Variants in FAM171A1 observed in about 807,000 individuals in gnomAD.
The protein encoded by FAM171A1 is family with sequence similarity 171 member A1.
FAM171A1 carries 23 observed loss-of-function variants against 74.9 expected under a neutral mutation model. The ratio of observed to expected loss-of-function variants is 0.31; its 90% CI spans 0.22 to 0.44. FAM171A1 has a LOEUF of 0.44. FAM171A1 is among the 20% of genes least tolerant of loss of function. The probability of loss-of-function intolerance (pLI) is 1.00; values close to 1 mark genes in which losing one functional copy is unlikely to be tolerated. For synonymous variants in FAM171A1, 527 were observed against 505.7 expected (o/e 1.04, Z -0.57); for missense variants, 1,162 against 1,159.2 (o/e 1.00, Z -0.03).
rs781417798 is a variant in FAM171A1, at chr10:15,283,955, C to T, written c.248G>A (p.Gly83Asp). ...CGAGGCGGTGACAATCAACTGACTG[C>T]CCAGCTTATACTGGAACTTGATAAA... ...VAFIKFQYKLGSQLIVTASKH... is the reference protein window; with the variant it reads ...VAFIKFQYKLDSQLIVTASKH... Residue 83 changes from glycine (G) to aspartate (D), a missense_variant, in exon 2 of 8, where the codon GGC (glycine) becomes GAC (aspartate). By Grantham distance (94) the Gly-to-Asp change is moderately conservative. Coordinates refer to ENST00000378116, the MANE Select transcript of FAM171A1 (RefSeq NM_001010924.2). 6 of 1,614,040 alleles carry T rather than the reference C, an allele frequency of 3.7e-6. No homozygotes were observed. Among genetic ancestry groups the T allele is most frequent in the East Asian group, 2.2e-5 (1 of 44,888 alleles).
At chr10:15,297,123 C>T (rs1835171712) in intron 1 of FAM171A1, among the ~76,000 whole-genome samples, 1 of 151,356 alleles carries the variant, frequency 6.6e-6, no homozygotes, top group African/African-American at 2.4e-5. Flanking sequence ...AGAGACACGA[C>T]CTTGGCTCAC....
At chr10:15,255,998 G>A (rs878916635) in intron 3 of FAM171A1, among the ~76,000 whole-genome samples, 2 of 151,708 alleles carry the variant, frequency 1.3e-5, no homozygotes, top group East Asian at 1.9e-4. Flanking sequence ...CTAATGCTGC[G>A]GTGATATTCA....
Position 15,213,345 on chromosome 10 carries a change from T to C in FAM171A1, c.2243A>G (p.Glu748Gly). ...ASLDSGVDMN[E>G]PKSARKGRGD... ...CCTTCCCTTCCGGGCTGATTTTGGT[T>C]CATTCATATCTACGCCAGAGTCCAA... Residue 748 changes from glutamate (E) to glycine (G), a missense_variant, in exon 8 of 8, where the codon GAA becomes GGA. Physicochemically the swap from Glu to Gly is moderately conservative, Grantham distance 98. Coordinates refer to ENST00000378116, the MANE Select transcript of FAM171A1 (RefSeq NM_001010924.2). The surrounding 1 kb of genome is among the most constrained non-coding windows in gnomAD (Gnocchi z 6.8). 1 of 1,614,184 alleles carries C rather than the reference T, an allele frequency of 6.2e-7. No individual in the cohort carries two copies. Among genetic ancestry groups the C allele is most frequent in the Admixed American group, 1.7e-5 (1 of 60,014 alleles).
At chr10:15,220,500 A>G (rs1362381121) in intron 6 of FAM171A1, among the ~76,000 whole-genome samples, 2 of 152,240 alleles carry the variant, frequency 1.3e-5, no homozygotes, top group East Asian at 3.9e-4. Context: ...GATACAAAGC[A>G]ACTGGTTTAC....
chr10:15,212,638 T>A lies in FAM171A1; in HGVS notation c.*277A>T, dbSNP rs1195126007. 2.1e-6 allele frequency: 1 copy of A among 485,112 alleles called. No individual in the cohort carries two copies. Among genetic ancestry groups the A allele is most frequent in the South Asian group, 2.5e-5 (1 of 40,530 alleles). The allele number at this position is 485,112 out of a possible 1,614,324, so 30.1% of individuals were successfully genotyped here. The stretch of plus-strand genomic sequence containing the variant: ...CGACATCACGTGCGGTTTCTTAATG[T>A]CCCTGGTGGCGGATACGCCGAGTCC... On this transcript the variant is annotated 3_prime_UTR_variant, in exon 8 of 8. Transcript: ENST00000378116.
At chr10:15,326,166 ACTTATGTT>A (rs1835552482) in intron 1 of FAM171A1, among the ~76,000 whole-genome samples, 1 of 152,084 alleles carries the variant, frequency 6.6e-6, no homozygotes, top group Non-Finnish European at 1.5e-5. Context: ...TCACCAGAGG[ACTTATGTT>A]CTCTGCCTCC....
intron 3 of FAM171A1, among the ~76,000 whole-genome samples, chr10:15,267,593 C>T (rs117384247): frequency 0.15 from 15,888 of 108,652 alleles, 1,188 homozygotes; most frequent in Middle Eastern, 0.24. Context: ...CAGAGCGAGA[C>T]ACCATCGCAA....
chr10:15,220,468 A>G (rs1172110333), intron 6 of FAM171A1, among the ~76,000 whole-genome samples: 1 of 152,236 alleles, frequency 6.6e-6, no homozygotes, highest in African/African-American at 2.4e-5. Context: ...ACATATCCTA[A>G]ATGGAGGGGA....
At chr10:15,219,330 A>C (rs1289136327) in intron 6 of FAM171A1, among the ~76,000 whole-genome samples, 1 of 152,150 alleles carries the variant, frequency 6.6e-6, no homozygotes. Context: ...ACACACACAC[A>C]CAAAAAGCAT....
chr10:15,311,428 C>T (rs897538925), intron 1 of FAM171A1, among the ~76,000 whole-genome samples: 8 of 152,152 alleles, frequency 5.3e-5, no homozygotes, highest in African/African-American at 1.7e-4. Flanking sequence ...TAGGGAATGG[C>T]ACTGGAAGGC....
At chr10:15,359,772 C>G (rs1020203397) in intron 1 of FAM171A1, among the ~76,000 whole-genome samples, 2 of 152,130 alleles carry the variant, frequency 1.3e-5, no homozygotes, top group African/African-American at 2.4e-5. Flanking sequence ...GGCCTGGATG[C>G]ACTCTTGCTG....
intron 5 of FAM171A1, among the ~76,000 whole-genome samples, chr10:15,239,487 G>A (rs1340912804): frequency 6.6e-6 from 1 of 151,754 alleles, no homozygotes; most frequent in African/African-American, 2.4e-5. Flanking sequence ...ATTTTTAGTA[G>A]AGATGGGGTT....
chr10:15,365,199 T>TTCC (rs1413344467), intron 1 of FAM171A1, among the ~76,000 whole-genome samples: 2 of 152,140 alleles, frequency 1.3e-5, no homozygotes, highest in African/African-American at 4.8e-5. Flanking sequence ...ATCTATGAGA[T>TTCC]TCCTACTGCA....
intron 1 of FAM171A1, among the ~76,000 whole-genome samples, chr10:15,335,221 G>A (rs1389939663): frequency 2.6e-5 from 4 of 152,184 alleles, no homozygotes; most frequent in African/African-American, 7.2e-5. Context: ...TCCAGCCTGG[G>A]CGACAGAGTG....
At chr10:15,288,361 G>T (rs139944360) in intron 1 of FAM171A1, among the ~76,000 whole-genome samples, 1 of 152,098 alleles carries the variant, frequency 6.6e-6, no homozygotes, top group African/African-American at 2.4e-5. Context: ...GGTTACATGA[G>T]TAAGTTTTTT....
intron 1 of FAM171A1, among the ~76,000 whole-genome samples, chr10:15,350,586 C>T (rs549260664): frequency 1.8e-4 from 28 of 151,828 alleles, no homozygotes; most frequent in Non-Finnish European, 3.5e-4. Context: ...CATGATCCGC[C>T]TGCCTCAGCT....
At chr10:15,286,879 A>G (rs565060981) in intron 1 of FAM171A1, among the ~76,000 whole-genome samples, 1 of 152,298 alleles carries the variant, frequency 6.6e-6, no homozygotes, top group Admixed American at 6.5e-5. Flanking sequence ...ATGGGTGTGT[A>G]CCAAATAAAT....
In FAM171A1 at chr10:15,257,087, G is replaced by A. The variant is rs182901827; in HGVS notation, c.419-2208C>T. Among the ~76,000 whole-genome samples, 6 of 152,282 alleles carry A rather than the reference G, an allele frequency of 3.9e-5. No individual in the cohort carries two copies. The East Asian group carries it at 1.2e-3, about 29-fold the overall frequency. On this transcript the variant is annotated intron_variant, in intron 3 of 7. Transcript: ENST00000378116. ...GGGTCTCACATGGTGGAAAAGTAAA[G>A]CACTCTGCTAATAGGAAGAGAACAA...
intron 3 of FAM171A1, among the ~76,000 whole-genome samples, chr10:15,271,310 T>C (rs1834821840): frequency 6.6e-6 from 1 of 151,972 alleles, no homozygotes; most frequent in African/African-American, 2.4e-5. Flanking sequence ...ATGAATGAAA[T>C]AAAGCGAGAA....
Sources: allele counts gnomAD v4.1 joint callset (sites outside exome capture counted in the v4.1 genomes callset), GRCh38; gene constraint gnomAD v4.1.1; non-coding constraint Gnocchi (gnomAD v3.1); transcripts MANE v1.5; gene names NCBI Gene and HGNC (gene_info 2026-07-23, HGNC 2026-07-21).